The following FAM237B variants were observed in gnomAD, a reference collection of about 807,000 sequenced individuals.
FAM237B encodes the protein protein FAM237B.
chr7:90,319,980 T>C (rs990666507), intron 2 of FAM237B, among the ~76,000 whole-genome samples: 1 of 152,234 alleles, frequency 6.6e-6, no homozygotes, highest in Non-Finnish European at 1.5e-5. Flanking sequence ...GCAACACATT[T>C]ATGAAAATGC....
rs931603215 is a variant in FAM237B, at chr7:90,317,026, C to G, written c.*2303G>C. 1.3e-5 allele frequency: 2 copies of G among 151,862 alleles called. No individual in the cohort carries two copies. Among genetic ancestry groups the G allele is most frequent in the African/African-American group, 4.8e-5 (2 of 41,366 alleles). 9.4% of individuals were successfully genotyped at this position (151,862 alleles called of 1,614,324 possible). On this transcript the variant is annotated 3_prime_UTR_variant, in exon 3 of 3. Coordinates refer to ENST00000692316, the MANE Select transcript of FAM237B (RefSeq NM_001384237.2). ...GTTTTTTTTGAGGAAAACTGTAATACTGCCTCTAGGTACCACTTCGGCTCC... is the reference window on the plus strand; with the variant it reads ...GTTTTTTTTGAGGAAAACTGTAATAGTGCCTCTAGGTACCACTTCGGCTCC...
rs1795132991 is a variant in FAM237B at position 90,319,686 on chromosome 7, C to T, written c.63G>A (p.Leu21=). ...TTTGAAACTCAAAGTCAGCATTAAC[C>T]AGATTGATCAGCATCATGCAGCCCA... ...LHLGCMMLIN[L]VNADFEFQKG... Residue 21 remains leucine, a synonymous_variant, in exon 3 of 3, where the codon CTG becomes CTA. Coordinates refer to ENST00000692316, the MANE Select transcript of FAM237B (RefSeq NM_001384237.2). The T allele has an allele frequency of 2.5e-6, 1 of 398,388 alleles. No homozygotes were observed. The highest frequency in any genetic ancestry group is 1.3e-4 in the South Asian group (1 of 7,854). 24.7% of individuals were successfully genotyped at this position (398,388 alleles called of 1,614,324 possible). A position where few individuals can be genotyped will look rare whatever the true frequency, so the allele number is the denominator to read the frequency against.
In FAM237B at chr7:90,319,004, A is replaced by G. The variant is rs1410744463; in HGVS notation, c.*325T>C. The G allele has an allele frequency of 5.8e-6, 1 of 173,724 alleles. No homozygotes were observed. The highest frequency in any genetic ancestry group is 2.4e-5 in the African/African-American group (1 of 42,422). The allele number at this position is 173,724 out of a possible 1,614,324, so 10.8% of individuals were successfully genotyped here. A position where few individuals can be genotyped will look rare whatever the true frequency, so the allele number is the denominator to read the frequency against. ...AACCCTATTGAAAAAATTAATTTCA[A>G]AAGCCTAAATACATGTCTGATGTTT... On this transcript the variant is annotated 3_prime_UTR_variant, in exon 3 of 3. Transcript: ENST00000692316.
chr7:90,319,100 C>A lies in FAM237B; in HGVS notation c.*229G>T. The stretch of plus-strand genomic sequence containing the variant: ...GGCTTTCTTATGAACTATTCATGGG[C>A]AAACAAGGATAATTTTAATTATCTA... On this transcript the variant is annotated 3_prime_UTR_variant, in exon 3 of 3. Transcript: ENST00000692316. The A allele has an allele frequency of 3.2e-6, 1 of 313,410 alleles. No individual in the cohort carries two copies. Among genetic ancestry groups the A allele is most frequent in the East Asian group, 5.1e-5 (1 of 19,570 alleles). The allele number at this position is 313,410 out of a possible 1,614,324, so 19.4% of individuals were successfully genotyped here.
chr7:90,319,755 T>C lies in FAM237B; in HGVS notation c.-3-4A>G. 2.5e-6 allele frequency: 1 copy of C among 397,832 alleles called. No homozygotes were observed. Among genetic ancestry groups the C allele is most frequent in the Non-Finnish European group, 4.4e-6 (1 of 225,848 alleles). 24.6% of individuals were successfully genotyped at this position (397,832 alleles called of 1,614,324 possible). On this transcript the variant is annotated splice_polypyrimidine_tract_variant and splice_region_variant and intron_variant, in intron 2 of 2. Transcript: ENST00000692316. The stretch of plus-strand genomic sequence containing the variant: ...TTCTTGTAGCAAAACACATATTCTA[T>C]ACAGAAAAAAAAATGAGAGAGGATA...
At chr7:90,320,413 T>C (rs1461047879) in intron 2 of FAM237B, 15 of 151,916 alleles carry the variant, frequency 9.9e-5, no homozygotes, top group Admixed American at 9.8e-4. Context: ...AAAACAAAGG[T>C]GATATAAGGT....
rs17865326 is a variant in FAM237B at position 90,320,081 on chromosome 7, G to A, written c.-3-330C>T. ...TCTCCCTTTACTGATTAGATCATTA[G>A]TGATACGGTTCCGCAAGTCTTCAGA... On this transcript the variant is annotated intron_variant, in intron 2 of 2. Coordinates refer to ENST00000692316, the MANE Select transcript of FAM237B (RefSeq NM_001384237.2). Among the ~76,000 whole-genome samples the A allele has an allele frequency of 8.3e-3, 1,261 of 152,312 alleles. 26 individuals are homozygous for A. The highest frequency in any genetic ancestry group is 0.029 in the African/African-American group (1,190 of 41,552).
Position 90,317,801 on chromosome 7 carries a change from T to G in FAM237B, c.*1528A>C, listed in dbSNP as rs1174149342. On this transcript the variant is annotated 3_prime_UTR_variant, in exon 3 of 3. Coordinates refer to ENST00000692316, the MANE Select transcript of FAM237B (RefSeq NM_001384237.2). ...AGTTCGTTACTTGTTCAGTATTATT[T>G]TAGCCGATTTTAAAACTTTTTATAT... 6.6e-6 allele frequency: 1 copy of G among 152,138 alleles called. No homozygotes were observed. The highest frequency in any genetic ancestry group is 6.5e-5 in the Admixed American group (1 of 15,280). 9.4% of individuals were successfully genotyped at this position (152,138 alleles called of 1,614,324 possible). A position where few individuals can be genotyped will look rare whatever the true frequency, so the allele number is the denominator to read the frequency against.
At position 90,317,745 on chromosome 7, in the gene FAM237B, C is replaced by T. The variant is rs532160853; in HGVS notation, c.*1584G>A. ...AAAGAACGTCCCTCCTTTAATTCAG[C>T]TTATTCTTGGATCAAGTCAAACCAT... On this transcript the variant is annotated 3_prime_UTR_variant, in exon 3 of 3. Coordinates refer to ENST00000692316, the MANE Select transcript of FAM237B (RefSeq NM_001384237.2). 2.6e-5 allele frequency: 4 copies of T among 152,198 alleles called. No individual in the cohort carries two copies. The highest frequency in any genetic ancestry group is 9.6e-5 in the African/African-American group (4 of 41,550). 9.4% of individuals were successfully genotyped at this position (152,198 alleles called of 1,614,324 possible).
Position 90,317,020 on chromosome 7 carries a change from G to A in FAM237B, c.*2309C>T, listed in dbSNP as rs188655754. 3 of 151,860 alleles carry A rather than the reference G, an allele frequency of 2.0e-5. No individual in the cohort carries two copies. Among genetic ancestry groups the A allele is most frequent in the Admixed American group, 6.6e-5 (1 of 15,242 alleles). The allele number at this position is 151,860 out of a possible 1,614,324, so 9.4% of individuals were successfully genotyped here. ...AGAACTGTTTTTTTTGAGGAAAACT[G>A]TAATACTGCCTCTAGGTACCACTTC... On this transcript the variant is annotated 3_prime_UTR_variant, in exon 3 of 3. Transcript: ENST00000692316.
chr7:90,317,965 A>G lies in FAM237B; in HGVS notation c.*1364T>C, dbSNP rs567835348. On this transcript the variant is annotated 3_prime_UTR_variant, in exon 3 of 3. Transcript: ENST00000692316. ...TTTTCATTGATTCTTTGTCCTGGAA[A>G]AGGCTGGACCTCTGTTGAACATATG... The G allele has an allele frequency of 2.0e-5, 3 of 152,288 alleles. No homozygotes were observed. In the South Asian group the frequency reaches 6.2e-4, roughly 32 times the overall value. 9.4% of individuals were successfully genotyped at this position (152,288 alleles called of 1,614,324 possible). A position where few individuals can be genotyped will look rare whatever the true frequency, so the allele number is the denominator to read the frequency against.
rs1795133848 is a variant in FAM237B, at chr7:90,319,695, C to T, written c.54G>A (p.Leu18=). Residue 18 remains leucine, a synonymous_variant, in exon 3 of 3, where the codon CTG becomes CTA. Coordinates refer to ENST00000692316, the MANE Select transcript of FAM237B (RefSeq NM_001384237.2). ...WFYLHLGCMM[L]INLVNADFEF... is the part of the protein sequence containing the mutation. ...CAAAGTCAGCATTAACCAGATTGATCAGCATCATGCAGCCCAAATGTAGAT... is the reference window on the plus strand; with the variant it reads ...CAAAGTCAGCATTAACCAGATTGATTAGCATCATGCAGCCCAAATGTAGAT... The T allele has an allele frequency of 2.5e-6, 1 of 398,486 alleles. No homozygotes were observed. The highest frequency in any genetic ancestry group is 4.4e-6 in the Non-Finnish European group (1 of 226,044). The allele number at this position is 398,486 out of a possible 1,614,324, so 24.7% of individuals were successfully genotyped here. A position where few individuals can be genotyped will look rare whatever the true frequency, so the allele number is the denominator to read the frequency against.
At chr7:90,319,773 A>G (rs553441069) in intron 2 of FAM237B, 22 bp from the exon 3 acceptor site, 30 of 398,546 alleles carry the variant, frequency 7.5e-5, no homozygotes, top group African/African-American at 4.9e-4. Context: ...AAAAAATGAG[A>G]GAGGATATAT....
chr7:90,319,122 T>A lies in FAM237B; in HGVS notation c.*207A>T. 2.8e-6 allele frequency: 1 copy of A among 360,662 alleles called. No homozygotes were observed. The highest frequency in any genetic ancestry group is 4.9e-6 in the Non-Finnish European group (1 of 203,072). The allele number at this position is 360,662 out of a possible 1,614,324, so 22.3% of individuals were successfully genotyped here. A position where few individuals can be genotyped will look rare whatever the true frequency, so the allele number is the denominator to read the frequency against. On this transcript the variant is annotated 3_prime_UTR_variant, in exon 3 of 3. Coordinates refer to ENST00000692316, the MANE Select transcript of FAM237B (RefSeq NM_001384237.2). ...GGGCAAACAAGGATAATTTTAATTA[T>A]CTACCAAAGTGTATTATATTCCAAG...
At position 90,318,871 on chromosome 7, in the gene FAM237B, C is replaced by T. The variant is rs1171627616; in HGVS notation, c.*458G>A. 1 of 152,090 alleles carries T rather than the reference C, an allele frequency of 6.6e-6. No homozygotes were observed. The highest frequency in any genetic ancestry group is 1.9e-4 in the East Asian group (1 of 5,196). 9.4% of individuals were successfully genotyped at this position (152,090 alleles called of 1,614,324 possible). Reference sequence around the variant, plus strand: ...TTGCTTGAGGTATTTTACATGTTTTCTCTTAAATGTAATACTCTCATTTTG... The same window carrying T: ...TTGCTTGAGGTATTTTACATGTTTTTTCTTAAATGTAATACTCTCATTTTG... On this transcript the variant is annotated 3_prime_UTR_variant, in exon 3 of 3. Transcript: ENST00000692316.
At position 90,318,552 on chromosome 7, in the gene FAM237B, A is replaced by G. The variant is rs1408989319; in HGVS notation, c.*777T>C. On this transcript the variant is annotated 3_prime_UTR_variant, in exon 3 of 3. Coordinates refer to ENST00000692316, the MANE Select transcript of FAM237B (RefSeq NM_001384237.2). ...TTAGTTTTGGCACAGTTTAATAGTC[A>G]ATATTAATATATAAGATACCTTATA... The G allele has an allele frequency of 6.6e-6, 1 of 152,122 alleles. No homozygotes were observed. Among genetic ancestry groups the G allele is most frequent in the Non-Finnish European group, 1.5e-5 (1 of 67,974 alleles). 9.4% of individuals were successfully genotyped at this position (152,122 alleles called of 1,614,324 possible).
chr7:90,316,962 G>A lies in FAM237B; in HGVS notation c.*2367C>T, dbSNP rs1423936873. 6.6e-6 allele frequency: 1 copy of A among 152,070 alleles called. No homozygotes were observed. Among genetic ancestry groups the A allele is most frequent in the Admixed American group, 6.5e-5 (1 of 15,272 alleles). The allele number at this position is 152,070 out of a possible 1,614,324, so 9.4% of individuals were successfully genotyped here. A position where few individuals can be genotyped will look rare whatever the true frequency, so the allele number is the denominator to read the frequency against. ...TCTCACTTTACAGCATTGAACTTTTGAGCTTCAATCATTTGCCCACAGACT... is the reference window on the plus strand; with the variant it reads ...TCTCACTTTACAGCATTGAACTTTTAAGCTTCAATCATTTGCCCACAGACT... On this transcript the variant is annotated 3_prime_UTR_variant, in exon 3 of 3. Transcript: ENST00000692316.
At chr7:90,319,895 T>A (rs1450105418) in intron 2 of FAM237B, 144 bp from the exon 3 acceptor site, 2 of 396,568 alleles carry the variant, frequency 5.0e-6, no homozygotes, top group Non-Finnish European at 8.9e-6. Flanking sequence ...TCTAAATTAC[T>A]GATTATCACA....
chr7:90,320,160 G>A (rs1795197718), intron 2 of FAM237B, among the ~76,000 whole-genome samples: 1 of 152,076 alleles, frequency 6.6e-6, no homozygotes, highest in Admixed American at 6.6e-5. Context: ...TCAACTAAGT[G>A]GATCAAAATA....
Sources: gnomAD v4.1 joint callset for allele counts (sites outside exome capture counted in the v4.1 genomes callset) on GRCh38, gnomAD v4.1.1 for gene constraint, MANE v1.5 for transcripts, NCBI Gene and HGNC (gene_info 2026-07-23, HGNC 2026-07-21) for gene names.